The following TTBK2 variants were observed in gnomAD, a reference collection of about 807,000 sequenced individuals.
The protein encoded by TTBK2 is tau tubulin kinase 2.
In TTBK2, 28 loss-of-function variants were observed where a neutral mutation model predicts 110.8. That is an observed-to-expected ratio of 0.25 (90% CI 0.19 to 0.35). TTBK2 has a LOEUF of 0.35. TTBK2 is among the 10% of genes least tolerant of loss of function. TTBK2 has a pLI of 1.00. For synonymous variants in TTBK2, 532 were observed against 527.3 expected (o/e 1.01, Z -0.12); for missense variants, 1,369 against 1,500.3 (o/e 0.91, Z 1.45).
At position 42,753,265 on chromosome 15, in the gene TTBK2, A is replaced by C. The variant is rs775554436; in HGVS notation, c.1999-18T>G. On this transcript the variant is annotated intron_variant, in intron 13 of 14. Coordinates refer to ENST00000267890, the MANE Select transcript of TTBK2 (RefSeq NM_173500.4). The stretch of plus-strand genomic sequence containing the variant: ...ATTGTAATCTGGAGAAGGGGAAGAA[A>C]AAATTAAAATGCAATTATGTAAAAT... The C allele has an allele frequency of 6.2e-6, 10 of 1,609,032 alleles. No homozygotes were observed. Among genetic ancestry groups the C allele is most frequent in the Middle Eastern group, 3.3e-4 (2 of 6,076 alleles).
In TTBK2 at chr15:42,810,640, C is replaced by T. The variant is rs1424040662; in HGVS notation, c.796G>A (p.Asp266Asn). 5.6e-6 allele frequency: 9 copies of T among 1,613,940 alleles called. No homozygotes were observed. Among genetic ancestry groups the T allele is most frequent in the Non-Finnish European group, 6.8e-6 (8 of 1,179,908 alleles). Reference sequence around the variant, plus strand: ...TGGTAGTCTGGTTTTGTAAAATAATCCAAAGAAGAGATATGGTCTAGAAAG... The same window carrying T: ...TGGTAGTCTGGTTTTGTAAAATAATTCAAAGAAGAGATATGGTCTAGAAAG... Reference protein sequence around the residue: ...SIFLDHISSLDYFTKPDYQLL... With the variant: ...SIFLDHISSLNYFTKPDYQLL... The change falls in exon 9 of 15, where the codon GAT becomes AAT. Residue 266 changes from aspartate to asparagine, a missense_variant. Transcript: ENST00000267890.
At position 42,775,373 on chromosome 15, in the gene TTBK2, T is replaced by A; in HGVS notation, c.1760A>T (p.Gln587Leu). 2.5e-6 allele frequency: 4 copies of A among 1,614,246 alleles called. No homozygotes were observed. Among genetic ancestry groups the A allele is most frequent in the Non-Finnish European group, 3.4e-6 (4 of 1,180,040 alleles). ...ATCTTGAGGTGATGCCTCCAGGACT[T>A]GAAGTACTTCAGGCTCCTCATCAGA... ...SPSDEEPEVLQVLEASPQDEK... is the reference protein window; with the variant it reads ...SPSDEEPEVLLVLEASPQDEK... Residue 587 changes from glutamine (Q) to leucine (L), a missense_variant, in exon 13 of 15, where the codon CAA (glutamine) becomes CTA (leucine). Gln to Leu is a moderately radical substitution (Grantham distance 113). Coordinates refer to ENST00000267890, the MANE Select transcript of TTBK2 (RefSeq NM_173500.4).
intron 1 of TTBK2, among the ~76,000 whole-genome samples, chr15:42,904,085 T>G (rs1485305139): frequency 6.6e-6 from 1 of 152,188 alleles, no homozygotes; most frequent in East Asian, 1.9e-4. Context: ...AGCTGGGTCT[T>G]GTGATTGCTG....
At chr15:42,852,715 T>C (rs527992383) in intron 3 of TTBK2, among the ~76,000 whole-genome samples, 1 of 152,286 alleles carries the variant, frequency 6.6e-6, no homozygotes, top group Admixed American at 6.5e-5. Context: ...CTACAGATAA[T>C]GTTACATCTT....
At chr15:42,781,528 T>G (rs1251912037) in intron 11 of TTBK2, among the ~76,000 whole-genome samples, 1 of 152,184 alleles carries the variant, frequency 6.6e-6, no homozygotes, top group Admixed American at 6.5e-5. Flanking sequence ...TACATTTCTC[T>G]CTCAGTACTG....
At chr15:42,874,123 T>C (rs1387517808) in intron 2 of TTBK2, among the ~76,000 whole-genome samples, 4 of 152,194 alleles carry the variant, frequency 2.6e-5, no homozygotes, top group Non-Finnish European at 4.4e-5. Context: ...AACTGTCATG[T>C]TGCTTAACTT....
intron 6 of TTBK2, among the ~76,000 whole-genome samples, chr15:42,823,794 G>C (rs964873638): frequency 4.6e-5 from 7 of 151,302 alleles, no homozygotes; most frequent in African/African-American, 1.7e-4. Context: ...TGTGGCCCAA[G>C]ACAATTCTTC....
chr15:42,861,514 A>C lies in TTBK2; in HGVS notation c.217+11097T>G, dbSNP rs562153290. On this transcript the variant is annotated intron_variant, in intron 3 of 14. Coordinates refer to ENST00000267890, the MANE Select transcript of TTBK2 (RefSeq NM_173500.4). ...TAACTCATGTGTGAACAATGAAATT[A>C]AGGCAGAAATAAAAAAATCATTGAA... Among the ~76,000 whole-genome samples the C allele has an allele frequency of 2.6e-5, 4 of 152,356 alleles. No individual in the cohort carries two copies. The South Asian group carries it at 8.3e-4, about 32-fold the overall frequency.
At chr15:42,914,713 C>T (rs1185502702) in intron 1 of TTBK2, among the ~76,000 whole-genome samples, 2 of 152,142 alleles carry the variant, frequency 1.3e-5, no homozygotes, top group African/African-American at 4.8e-5. Context: ...AATTTAAAAA[C>T]ATTTATTTTG....
At chr15:42,913,702 G>A (rs187670438) in intron 1 of TTBK2, among the ~76,000 whole-genome samples, 46 of 151,948 alleles carry the variant, frequency 3.0e-4, no homozygotes, top group African/African-American at 1.1e-3. Context: ...CAACAAAAGT[G>A]TAAACAACCT....
At chr15:42,847,246 C>T (rs1267709107) in intron 3 of TTBK2, among the ~76,000 whole-genome samples, 1 of 152,104 alleles carries the variant, frequency 6.6e-6, no homozygotes, top group Non-Finnish European at 1.5e-5. Flanking sequence ...CTTTGAAGTA[C>T]CTGTAAAAGC....
intron 13 of TTBK2, among the ~76,000 whole-genome samples, chr15:42,767,788 A>C (rs905911978): frequency 1.3e-5 from 2 of 152,204 alleles, no homozygotes; most frequent in African/African-American, 2.4e-5. Context: ...CTGATACCAA[A>C]GCCTGACAGA....
rs974747822 is a variant in TTBK2 at position 42,918,324 on chromosome 15, C to T, written c.-68+2114G>A. On this transcript the variant is annotated intron_variant, in intron 1 of 14. Transcript: ENST00000267890. ...TCAAGCGATCCTCCTGCCTTGGCCT[C>T]CCAAAGTGCTGGGATTACAGGCATG... is the stretch of plus-strand genomic sequence containing the variant. Among the ~76,000 whole-genome samples, 3 of 152,044 alleles carry T rather than the reference C, an allele frequency of 2.0e-5. No homozygotes were observed. In the South Asian group the frequency reaches 6.2e-4, roughly 31 times the overall value.
chr15:42,894,534 T>C (rs1393734268), intron 1 of TTBK2, among the ~76,000 whole-genome samples: 1 of 152,162 alleles, frequency 6.6e-6, no homozygotes, highest in Non-Finnish European at 1.5e-5. Flanking sequence ...GGTGGATTTC[T>C]TGAGCCCAGG....
At chr15:42,918,294 T>C (rs1204512251) in intron 1 of TTBK2, among the ~76,000 whole-genome samples, 1 of 152,084 alleles carries the variant, frequency 6.6e-6, no homozygotes, top group African/African-American at 2.4e-5. Context: ...CTCAAACTCC[T>C]GGGCTCAAGC....
intron 2 of TTBK2, among the ~76,000 whole-genome samples, chr15:42,874,455 TAC>T (rs1894733241): frequency 6.6e-6 from 1 of 151,866 alleles, no homozygotes; most frequent in Non-Finnish European, 1.5e-5. Flanking sequence ...TAACTGGGAT[TAC>T]AGGTGTGCAC....
chr15:42,911,790 A>G (rs1483432764), intron 1 of TTBK2, among the ~76,000 whole-genome samples: 2 of 152,216 alleles, frequency 1.3e-5, no homozygotes, highest in Non-Finnish European at 2.9e-5. Flanking sequence ...GGAGGTATGC[A>G]AAGGCACAGA....
intron 2 of TTBK2, among the ~76,000 whole-genome samples, chr15:42,876,087 A>G (rs922243052): frequency 2.0e-5 from 3 of 152,012 alleles, no homozygotes; most frequent in African/African-American, 7.3e-5. Flanking sequence ...TAACCAAAAC[A>G]ATCTTCCTAG....
At position 42,775,159 on chromosome 15, in the gene TTBK2, C is replaced by A. The variant is rs1326461280; in HGVS notation, c.1974G>T (p.Ala658=). 6.2e-7 allele frequency: 1 copy of A among 1,613,954 alleles called. No individual in the cohort carries two copies. The highest frequency in any genetic ancestry group is 1.7e-5 in the Admixed American group (1 of 60,022). ...IAATPTSLME[A]QAEGPLTAIT... The stretch of plus-strand genomic sequence containing the variant: ...CCGCTGTAAGGGGTCCTTCTGCCTG[C>A]GCCTCCATTAGACTTGTGGGCGTCG... Residue 658 remains alanine (A), a synonymous_variant, in exon 13 of 15, where the codon GCG becomes GCT. Coordinates refer to ENST00000267890, the MANE Select transcript of TTBK2 (RefSeq NM_173500.4).
Sources: allele counts gnomAD v4.1 joint callset (sites outside exome capture counted in the v4.1 genomes callset), GRCh38; gene constraint gnomAD v4.1.1; transcripts MANE v1.5; gene names NCBI Gene and HGNC (gene_info 2026-07-23, HGNC 2026-07-21).